Variants in RALGAPA1 observed in about 807,000 individuals in gnomAD.
The protein encoded by RALGAPA1 is ral GTPase-activating protein subunit alpha-1.
RALGAPA1 carries 52 observed loss-of-function variants against 269.6 expected under a neutral mutation model. The observed-to-expected ratio is 0.19, with a 90% CI of 0.15 to 0.24. The LOEUF (loss-of-function observed/expected upper bound fraction) is 0.24, where lower values mean the gene tolerates loss of function less well. Among genes scored for constraint, RALGAPA1 ranks in the 10% least tolerant of loss-of-function variants. The pLI, the probability that RALGAPA1 is intolerant of heterozygous loss-of-function variation, is 1.00. For synonymous variants in RALGAPA1, 817 were observed against 1,008.3 expected, an observed-to-expected ratio of 0.81 and a Z score of 3.60; for missense variants, 1,917 against 3,013.9, an observed-to-expected ratio of 0.64 and a Z score of 8.52.
At chr14:35,639,831 C>T (rs866933200) in intron 31 of RALGAPA1, among the ~76,000 whole-genome samples, 47 of 151,180 alleles carry the variant, frequency 3.1e-4, no homozygotes, top group African/African-American at 9.0e-4. Flanking sequence ...CCCAGCTACT[C>T]GGGAGGCTGA....
intron 20 of RALGAPA1, 140 bp from the exon 21 acceptor site, chr14:35,684,125 T>C: frequency 1.6e-6 from 1 of 625,484 alleles, no homozygotes. Context: ...CAAGTGTAAA[T>C]AATCTTAATA....
intron 5 of RALGAPA1, 57 bp downstream of exon 5, chr14:35,762,653 T>G: frequency 1.1e-6 from 1 of 941,142 alleles, no homozygotes; most frequent in East Asian, 2.4e-5. Flanking sequence ...TGTTAACAGG[T>G]GGGATGTATG....
chr14:35,769,065 T>TATATATATACACAC (rs1237249622), intron 4 of RALGAPA1, among the ~76,000 whole-genome samples: 3 of 77,790 alleles, frequency 3.9e-5, no homozygotes, highest in African/African-American at 9.2e-5. Context: ...TATATATATA[T>TATATATATACACAC]ACACACACAT....
chr14:35,782,070 C>T (rs192714376), intron 1 of RALGAPA1, among the ~76,000 whole-genome samples: 265 of 152,198 alleles, frequency 1.7e-3, no homozygotes, highest in African/African-American at 5.5e-3. Context: ...TCTTGGATAT[C>T]GAAAATCCTA....
At chr14:35,785,123 C>T (rs1162608723) in intron 1 of RALGAPA1, among the ~76,000 whole-genome samples, 1 of 152,182 alleles carries the variant, frequency 6.6e-6, no homozygotes, top group Non-Finnish European at 1.5e-5. Context: ...ATTTCCCTAA[C>T]ACTCAAAGAC....
intron 35 of RALGAPA1, among the ~76,000 whole-genome samples, chr14:35,618,692 C>T (rs2060411311): frequency 6.6e-6 from 1 of 151,974 alleles, no homozygotes; most frequent in Admixed American, 6.6e-5. Context: ...TATATCTAGA[C>T]AAATCCTGAG....
At chr14:35,578,129 T>A (rs2057700592) in intron 37 of RALGAPA1, among the ~76,000 whole-genome samples, 1 of 152,026 alleles carries the variant, frequency 6.6e-6, no homozygotes, top group African/African-American at 2.4e-5. Flanking sequence ...CAACAATGAG[T>A]AAAAACAGAC....
In RALGAPA1 at chr14:35,655,869, C is replaced by T; in HGVS notation, c.5434G>A (p.Val1812Ile). ...SLGIWICEEL[V>I]HESHHPQIKE... ...ATTTGAGGATGATGAGACTCATGGA[C>T]TAGTTCTTCACAAATCCAAATACCT... The change falls in exon 29 of 42, where the codon GTC becomes ATC. Residue 1812 changes from valine (V) to isoleucine (I), a missense_variant. This residue lies in a region of RALGAPA1 where 346 missense variants were observed against 566.1 expected (regional missense o/e 0.61). Coordinates refer to ENST00000680220, the MANE Select transcript of RALGAPA1 (RefSeq NM_001346249.2). 2 of 1,613,492 alleles carry T rather than the reference C, an allele frequency of 1.2e-6. No homozygotes were observed. The highest frequency in any genetic ancestry group is 8.5e-7 in the Non-Finnish European group (1 of 1,179,660).
At chr14:35,544,781 T>A (rs2139027858) in intron 41 of RALGAPA1, among the ~76,000 whole-genome samples, 1 of 152,346 alleles carries the variant, frequency 6.6e-6, no homozygotes, top group Non-Finnish European at 1.5e-5. Context: ...GTATGGTGAC[T>A]CAAATCTGTA....
intron 35 of RALGAPA1, among the ~76,000 whole-genome samples, chr14:35,620,142 C>T (rs1328770542): frequency 1.3e-5 from 2 of 152,182 alleles, no homozygotes; most frequent in South Asian, 2.1e-4. Context: ...TCCAGCAGCA[C>T]GTCAAAAAGC....
At position 35,655,801 on chromosome 14, in the gene RALGAPA1, C is replaced by T. The variant is rs1217908133; in HGVS notation, c.5496+6G>A. The stretch of plus-strand genomic sequence containing the variant: ...TTAATATATTTCACTAAACAGTTTT[C>T]TTTACCTTTAAGGAAACACAAATCA... On this transcript the variant is annotated splice_donor_region_variant and intron_variant, in intron 29 of 41. Coordinates refer to ENST00000680220, the MANE Select transcript of RALGAPA1 (RefSeq NM_001346249.2). The T allele has an allele frequency of 1.2e-6, 2 of 1,611,294 alleles. No homozygotes were observed. Among genetic ancestry groups the T allele is most frequent in the Non-Finnish European group, 1.7e-6 (2 of 1,179,168 alleles).
chr14:35,667,778 C>G (rs1015940200), intron 26 of RALGAPA1, among the ~76,000 whole-genome samples: 4 of 152,160 alleles, frequency 2.6e-5, no homozygotes, highest in Non-Finnish European at 5.9e-5. Context: ...ATAGAACTTC[C>G]ATATGATCCA....
At chr14:35,790,026 G>A (rs576909467) in intron 1 of RALGAPA1, among the ~76,000 whole-genome samples, 1 of 152,164 alleles carries the variant, frequency 6.6e-6, no homozygotes, top group Non-Finnish European at 1.5e-5. Context: ...GGCCAAGGAG[G>A]TGGATCTCTT....
At chr14:35,735,016 G>C (rs2070846341) in intron 12 of RALGAPA1, among the ~76,000 whole-genome samples, 1 of 149,306 alleles carries the variant, frequency 6.7e-6, no homozygotes, top group Admixed American at 6.7e-5. Context: ...TCTGACTCCT[G>C]CAAGAATGGC....
chr14:35,736,610 T>A lies in RALGAPA1; in HGVS notation c.1587+1903A>T, dbSNP rs1205634144. Reference sequence around the variant, plus strand: ...TCTGGAGGCCAAGCAAAGAAGCATTTCAATGGGGAAGGAATGATCTACTCT... The same window carrying A: ...TCTGGAGGCCAAGCAAAGAAGCATTACAATGGGGAAGGAATGATCTACTCT... On this transcript the variant is annotated intron_variant, in intron 12 of 41. Transcript: ENST00000680220. Among the ~76,000 whole-genome samples the A allele has an allele frequency of 2.0e-5, 3 of 152,256 alleles. No homozygotes were observed. In the East Asian group the frequency reaches 5.8e-4, roughly 29 times the overall value.
At position 35,686,626 on chromosome 14, in the gene RALGAPA1, A is replaced by G. The variant is rs2065961251; in HGVS notation, c.3993T>C (p.Asn1331=). ...EDMSQKLPPL[N]SDIGGSSANV... ...TAGCACTGCTGCCGCCAATATCACT[A>G]TTAAGAGGAGGCAGTTTTTGGCTCA... The change falls in exon 19 of 42, where the codon AAT becomes AAC. Residue 1331 remains asparagine (N), a synonymous_variant. Transcript: ENST00000680220. The G allele has an allele frequency of 1.2e-6, 2 of 1,603,878 alleles. No individual in the cohort carries two copies. The highest frequency in any genetic ancestry group is 1.7e-6 in the Non-Finnish European group (2 of 1,173,820).
intron 35 of RALGAPA1, among the ~76,000 whole-genome samples, chr14:35,609,722 A>G (rs1041822097): frequency 4.6e-5 from 7 of 152,062 alleles, no homozygotes; most frequent in African/African-American, 1.7e-4. Flanking sequence ...CAGGAGTTCG[A>G]GACCAGCCTG....
chr14:35,647,132 A>C (rs968905719), intron 31 of RALGAPA1, among the ~76,000 whole-genome samples: 1 of 152,232 alleles, frequency 6.6e-6, no homozygotes, highest in Non-Finnish European at 1.5e-5. Flanking sequence ...TCTATGAAGA[A>C]TAGGGATTAA....
chr14:35,763,517 A>AC (rs1382966254), intron 4 of RALGAPA1, among the ~76,000 whole-genome samples: 2 of 152,020 alleles, frequency 1.3e-5, no homozygotes, highest in Non-Finnish European at 2.9e-5. Flanking sequence ...TAACTCATTT[A>AC]TTTTTTTAAA....
Sources: allele counts gnomAD v4.1 joint callset (sites outside exome capture counted in the v4.1 genomes callset), GRCh38; gene constraint gnomAD v4.1.1; regional missense constraint gnomAD v4.1.1; transcripts MANE v1.5; gene names NCBI Gene and HGNC (gene_info 2026-07-23, HGNC 2026-07-21).